The following RGMA variants were observed in gnomAD, a reference collection of about 807,000 sequenced individuals.
RGMA encodes the protein repulsive guidance molecule A.
RGMA carries 10 observed loss-of-function variants against 23.2 expected under a neutral mutation model. The observed-to-expected ratio is 0.43, with a 90% CI of 0.27 to 0.73. The LOEUF is 0.73. RGMA is among the 30% of genes least tolerant of loss of function. RGMA has a pLI of 0.20. For missense variants in RGMA, 547 were observed against 630.5 expected (o/e 0.87, Z 1.42); for synonymous variants, 308 against 279.3 (o/e 1.10, Z -1.03).
intron 3 of RGMA, among the ~76,000 whole-genome samples, chr15:93,047,931 G>A (rs1338217060): frequency 6.6e-6 from 1 of 152,214 alleles, no homozygotes; most frequent in African/African-American, 2.4e-5. Context: ...AGCTCAGGCA[G>A]GAGAGTCGCA....
chr15:93,058,260 C>T (rs2055046022), intron 2 of RGMA, among the ~76,000 whole-genome samples: 1 of 152,230 alleles, frequency 6.6e-6, no homozygotes, highest in African/African-American at 2.4e-5. Context: ...GGGAGGGTCT[C>T]ACCGCAGCGG....
At chr15:93,073,390 G>A (rs1006685178) in intron 1 of RGMA, among the ~76,000 whole-genome samples, 2 of 152,076 alleles carry the variant, frequency 1.3e-5, no homozygotes, top group African/African-American at 4.8e-5. Context: ...CAGAGGGCGC[G>A]CCACGCTCCC....
intron 2 of RGMA, among the ~76,000 whole-genome samples, chr15:93,059,438 C>T (rs1596090747): frequency 6.6e-6 from 1 of 152,322 alleles, no homozygotes; most frequent in African/African-American, 2.4e-5. Flanking sequence ...GCAGATCTTC[C>T]TAAGAGTTTA....
chr15:93,085,302 T>G (rs1202297935), intron 1 of RGMA, among the ~76,000 whole-genome samples: 1 of 152,174 alleles, frequency 6.6e-6, no homozygotes, highest in Non-Finnish European at 1.5e-5. Flanking sequence ...CAATGAGTTT[T>G]GGGGCGTTTT....
chr15:93,080,265 C>A, intron 1 of RGMA, among the ~76,000 whole-genome samples: 1 of 152,134 alleles, frequency 6.6e-6, no homozygotes, highest in Non-Finnish European at 1.5e-5. Context: ...ATGGCACAAT[C>A]ATGGCTCACT....
At position 93,043,203 on chromosome 15, in the gene RGMA, T is replaced by TGGGCGCACACACAGGC. The variant is rs2054747888; in HGVS notation, c.*1779_*1794dup. The TGGGCGCACACACAGGC allele has an allele frequency of 1.4e-5, 2 of 147,042 alleles. No homozygotes were observed. The highest frequency in any genetic ancestry group is 5.3e-5 in the African/African-American group (2 of 37,556). 9.1% of individuals were successfully genotyped at this position (147,042 alleles called of 1,614,324 possible). On this transcript the variant is annotated 3_prime_UTR_variant, in exon 4 of 4. Coordinates refer to ENST00000329082, the MANE Select transcript of RGMA (RefSeq NM_020211.3). ...ATGCCTACATGCACACACATAGGCA[T>TGGGCGCACACACAGGC]GGGCGCACACACAGGCATGCGCACA...
At chr15:93,050,013 C>T (rs1242774653) in intron 3 of RGMA, among the ~76,000 whole-genome samples, 3 of 152,206 alleles carry the variant, frequency 2.0e-5, no homozygotes, top group East Asian at 1.9e-4. Flanking sequence ...CTTTGGATGT[C>T]GACTCCTCTG....
chr15:93,070,253 C>T (rs1285952802), intron 2 of RGMA, among the ~76,000 whole-genome samples: 1 of 152,244 alleles, frequency 6.6e-6, no homozygotes, highest in Non-Finnish European at 1.5e-5. Flanking sequence ...GTGAAGGCAT[C>T]TTTCTCCACA....
At chr15:93,088,639 G>T in intron 1 of RGMA, 1 of 1,042,324 alleles carries the variant, frequency 9.6e-7, no homozygotes, top group Non-Finnish European at 1.2e-6. Context: ...CCCGCACACG[G>T]TGTAAGGGAC....
intron 1 of RGMA, among the ~76,000 whole-genome samples, chr15:93,075,187 C>T (rs1895452688): frequency 6.6e-6 from 1 of 151,958 alleles, no homozygotes; most frequent in African/African-American, 2.4e-5. Flanking sequence ...TTTCTCCCTC[C>T]CACGTCAGGA....
intron 2 of RGMA, among the ~76,000 whole-genome samples, chr15:93,067,449 A>G (rs561221906): frequency 2.0e-5 from 3 of 152,294 alleles, no homozygotes; most frequent in Admixed American, 6.5e-5. Context: ...CTGCTTTTAT[A>G]AACAGAACTG....
chr15:93,064,971 C>T (rs1451861319), intron 2 of RGMA, among the ~76,000 whole-genome samples: 1 of 152,016 alleles, frequency 6.6e-6, no homozygotes, highest in Non-Finnish European at 1.5e-5. Context: ...TCCAATATAC[C>T]ACATGGTAAT....
At chr15:93,081,974 G>T (rs539408377) in intron 1 of RGMA, among the ~76,000 whole-genome samples, 1 of 152,306 alleles carries the variant, frequency 6.6e-6, no homozygotes, top group South Asian at 2.1e-4. Context: ...ATAGCATGCT[G>T]GGCTAAGAAC....
chr15:93,070,040 A>G (rs571039194), intron 2 of RGMA, among the ~76,000 whole-genome samples: 5 of 152,248 alleles, frequency 3.3e-5, no homozygotes, highest in Admixed American at 6.5e-5. Context: ...GCTGTCCCCA[A>G]AGAATCATCT....
chr15:93,058,629 CAACA>C (rs1387456735), intron 2 of RGMA, among the ~76,000 whole-genome samples: 17 of 152,314 alleles, frequency 1.1e-4, no homozygotes, highest in East Asian at 1.9e-4. Context: ...TATCCTCATT[CAACA>C]GACAGGGAAA....
At chr15:93,052,538 G>A (rs1366843498) in intron 2 of RGMA, 31 bp from the exon 3 acceptor site, 1 of 1,523,208 alleles carries the variant, frequency 6.6e-7, no homozygotes, top group South Asian at 1.3e-5. Context: ...ACACCGTCGG[G>A]GTGCAGCCTG....
chr15:93,058,616 T>G (rs548684107), intron 2 of RGMA, among the ~76,000 whole-genome samples: 1 of 152,270 alleles, frequency 6.6e-6, no homozygotes, highest in African/African-American at 2.4e-5. Context: ...AGGACTGACT[T>G]GTTATCCTCA....
intron 1 of RGMA, chr15:93,073,732 C>T: frequency 6.5e-7 from 1 of 1,537,222 alleles, no homozygotes; most frequent in African/African-American, 1.4e-5. Context: ...GAGGTTCCCG[C>T]CCGTCGTGGC....
chr15:93,061,501 CG>C (rs1894965390), intron 2 of RGMA, among the ~76,000 whole-genome samples: 1 of 152,176 alleles, frequency 6.6e-6, no homozygotes, highest in Non-Finnish European at 1.5e-5. Flanking sequence ...ACCCTGTGCC[CG>C]GGAGATGCAC....
Sources: allele counts gnomAD v4.1 joint callset (sites outside exome capture counted in the v4.1 genomes callset), GRCh38; gene constraint gnomAD v4.1.1; transcripts MANE v1.5; gene names NCBI Gene and HGNC (gene_info 2026-07-23, HGNC 2026-07-21).